C16orf78: variants seen among roughly 807,000 people sequenced by gnomAD.
C16orf78 encodes the protein uncharacterized protein C16orf78.
C16orf78 carries 19 observed loss-of-function variants against 27.3 expected under a neutral mutation model. The observed-to-expected ratio is 0.70, with a 90% CI of 0.49 to 1.02. C16orf78 has a LOEUF of 1.02. Among genes scored for constraint, C16orf78 ranks in the 50% least tolerant of loss-of-function variants. The probability of loss-of-function intolerance (pLI) is 0.00; values close to 1 mark genes in which losing one functional copy is unlikely to be tolerated. For synonymous variants in C16orf78, 130 were observed against 116.1 expected (o/e 1.12, Z -0.77); for missense variants, 339 against 337.0 (o/e 1.01, Z -0.05).
chr16:49,398,024 C>T (rs1965495223), intron 4 of C16orf78, among the ~76,000 whole-genome samples: 2 of 152,160 alleles, frequency 1.3e-5, no homozygotes, highest in Admixed American at 6.5e-5. Context: ...CCTTGGCCTC[C>T]CAAAGTGCTG....
chr16:49,379,919 A>G (rs1965266966), intron 3 of C16orf78, among the ~76,000 whole-genome samples: 1 of 152,138 alleles, frequency 6.6e-6, no homozygotes, highest in Non-Finnish European at 1.5e-5. Context: ...GGACTGGGAG[A>G]GGCAGACCCA....
intron 4 of C16orf78, among the ~76,000 whole-genome samples, chr16:49,397,763 G>T (rs576643601): frequency 2.0e-5 from 3 of 152,268 alleles, no homozygotes; most frequent in South Asian, 2.1e-4. Flanking sequence ...AAGTGGTTCA[G>T]AGTGGGATTT....
chr16:49,380,227 A>G (rs963069229), intron 3 of C16orf78, among the ~76,000 whole-genome samples: 4 of 152,180 alleles, frequency 2.6e-5, no homozygotes, highest in Middle Eastern at 3.2e-3. Context: ...CAGCTTGCAG[A>G]TGGCCTACTG....
At chr16:49,381,900 C>T (rs1367946929) in intron 3 of C16orf78, among the ~76,000 whole-genome samples, 3 of 151,556 alleles carry the variant, frequency 2.0e-5, no homozygotes, top group Non-Finnish European at 4.4e-5. Context: ...TTGACCCAGC[C>T]ATCCCATTAC....
At chr16:49,378,727 A>T in intron 3 of C16orf78, 134 bp downstream of exon 3, 1 of 1,359,216 alleles carries the variant, frequency 7.4e-7, no homozygotes, top group East Asian at 2.5e-5. Flanking sequence ...CACAGGAGTC[A>T]GAAGCCCACA....
intron 1 of C16orf78, among the ~76,000 whole-genome samples, chr16:49,376,340 T>C (rs1965217428): frequency 6.6e-6 from 1 of 152,202 alleles, no homozygotes; most frequent in South Asian, 2.1e-4. Context: ...ATGTTGCAGT[T>C]TCCTTGAGTC....
At chr16:49,379,639 A>C (rs1356054438) in intron 3 of C16orf78, among the ~76,000 whole-genome samples, 2 of 152,146 alleles carry the variant, frequency 1.3e-5, no homozygotes, top group Non-Finnish European at 2.9e-5. Flanking sequence ...TAGGGGCATT[A>C]CTGGCGAAAT....
rs1433266932 is a variant in C16orf78 at position 49,377,599 on chromosome 16, C to A, written c.151-132C>A. Reference sequence around the variant, plus strand: ...AAGCAGAGGAACAGTGACGACAGGCCCTAGAGTGTGTGTGCTGAAGCCTGT... The same window carrying A: ...AAGCAGAGGAACAGTGACGACAGGCACTAGAGTGTGTGTGCTGAAGCCTGT... On this transcript the variant is annotated intron_variant, in intron 1 of 4. Coordinates refer to ENST00000299191, the MANE Select transcript of C16orf78 (RefSeq NM_144602.4). The A allele has an allele frequency of 1.7e-5, 20 of 1,191,654 alleles. No individual in the cohort carries two copies. The Admixed American group carries it at 4.5e-4, about 27-fold the overall frequency. The allele number at this position is 1,191,654 out of a possible 1,614,324, so 73.8% of individuals were successfully genotyped here.
chr16:49,379,377 A>G (rs553738210), intron 3 of C16orf78, among the ~76,000 whole-genome samples: 30 of 151,946 alleles, frequency 2.0e-4, no homozygotes, highest in African/African-American at 6.5e-4. Flanking sequence ...GTAGGGTAAA[A>G]GAGAAATCTG....
At position 49,399,291 on chromosome 16, in the gene C16orf78, G is replaced by C; in HGVS notation, c.*13G>C. On this transcript the variant is annotated 3_prime_UTR_variant, in exon 5 of 5. Transcript: ENST00000299191. Reference sequence around the variant, plus strand: ...CATGGCCCTCTAAATAGCTCCTCTCGCCACCACCTTCAGGCTCCTTCTGTC... The same window carrying C: ...CATGGCCCTCTAAATAGCTCCTCTCCCCACCACCTTCAGGCTCCTTCTGTC... 1 of 1,613,138 alleles carries C rather than the reference G, an allele frequency of 6.2e-7. No individual in the cohort carries two copies.
At chr16:49,395,755 G>C (rs868415889) in intron 3 of C16orf78, among the ~76,000 whole-genome samples, 1 of 152,026 alleles carries the variant, frequency 6.6e-6, no homozygotes, top group Non-Finnish European at 1.5e-5. Context: ...TTTCTCTTCT[G>C]ATACCTTCCC....
At chr16:49,389,229 C>T (rs575332389) in intron 3 of C16orf78, among the ~76,000 whole-genome samples, 60 of 152,260 alleles carry the variant, frequency 3.9e-4, no homozygotes, top group African/African-American at 1.4e-3. Context: ...TCGAGACCAG[C>T]TTGGCCAACA....
chr16:49,377,824 C>A lies in C16orf78; in HGVS notation c.244C>A (p.Arg82Ser), dbSNP rs765504260. Reference protein sequence around the residue: ...KGLMTARGGNRRDTETSQQAL... With the variant: ...KGLMTARGGNSRDTETSQQAL... ...CCTCATGACAGCACGGGGAGGGAAC[C>A]GCAGGGACACGGAGACTTCCCAGCA... The change falls in exon 2 of 5, where the codon CGC (arginine) becomes AGC (serine). Residue 82 changes from arginine to serine, a missense_variant. Arg to Ser is a moderately radical substitution (Grantham distance 110, BLOSUM62 -1). Coordinates refer to ENST00000299191, the MANE Select transcript of C16orf78 (RefSeq NM_144602.4). 1 of 1,581,984 alleles carries A rather than the reference C, an allele frequency of 6.3e-7. No individual in the cohort carries two copies. The highest frequency in any genetic ancestry group is 8.6e-7 in the Non-Finnish European group (1 of 1,162,906).
chr16:49,384,773 T>A (rs1324126802), intron 3 of C16orf78, among the ~76,000 whole-genome samples: 1 of 152,034 alleles, frequency 6.6e-6, no homozygotes, highest in African/African-American at 2.4e-5. Context: ...TCAAAGACAA[T>A]GAAAGAATTT....
intron 3 of C16orf78, among the ~76,000 whole-genome samples, chr16:49,385,627 C>T (rs559730381): frequency 2.3e-4 from 35 of 150,878 alleles, no homozygotes; most frequent in Admixed American, 4.6e-4. Flanking sequence ...TGCACTCCAG[C>T]CTGGGTGACA....
intron 3 of C16orf78, among the ~76,000 whole-genome samples, chr16:49,388,699 A>G (rs1490785991): frequency 6.6e-6 from 1 of 152,114 alleles, no homozygotes; most frequent in East Asian, 1.9e-4. Context: ...TTTTTTGTAG[A>G]GACGAGGTTT....
At chr16:49,374,166 C>T (rs569933014) in intron 1 of C16orf78, 77 bp downstream of exon 1, 3 of 1,550,684 alleles carry the variant, frequency 1.9e-6, no homozygotes, top group East Asian at 4.5e-5. Flanking sequence ...TTGAACTTAA[C>T]TCTCCTGAAA....
At chr16:49,374,442 C>G (rs186601859) in intron 1 of C16orf78, among the ~76,000 whole-genome samples, 1 of 152,246 alleles carries the variant, frequency 6.6e-6, no homozygotes, top group Admixed American at 6.5e-5. Context: ...ATTTACATCT[C>G]AAAGGGGCAG....
intron 3 of C16orf78, among the ~76,000 whole-genome samples, chr16:49,379,259 T>C (rs926565598): frequency 6.6e-6 from 1 of 152,080 alleles, no homozygotes; most frequent in Non-Finnish European, 1.5e-5. Context: ...TGAATAAATA[T>C]TAGTGGTTTT....
Sources: gnomAD v4.1 joint callset for allele counts (sites outside exome capture counted in the v4.1 genomes callset) on GRCh38, gnomAD v4.1.1 for gene constraint, MANE v1.5 for transcripts, NCBI Gene and HGNC (gene_info 2026-07-23, HGNC 2026-07-21) for gene names.